Variants in ZC4H2 observed in about 807,000 individuals in gnomAD.
The protein encoded by ZC4H2 is zinc finger C4H2 domain-containing protein.
For synonymous variants in ZC4H2, 84 were observed against 66.3 expected, an observed-to-expected ratio of 1.27 and a Z score of -1.30; for missense variants, 137 against 173.9, an observed-to-expected ratio of 0.79 and a Z score of 1.19.
At chrX:64,938,823 C>A (rs779862371) in intron 1 of ZC4H2, among the ~76,000 whole-genome samples, 1 of 111,852 alleles carries the variant, frequency 8.9e-6, no homozygotes, top group African/African-American at 3.2e-5. Context: ...AAACCTACAG[C>A]GAATATCATA....
At chrX:65,026,893 C>A (rs1477192740) in intron 1 of ZC4H2, among the ~76,000 whole-genome samples, 2 of 111,750 alleles carry the variant, frequency 1.8e-5, no homozygotes, top group Admixed American at 1.9e-4. Flanking sequence ...AGCAGACCAG[C>A]ATTTTCTTTT....
At chrX:65,020,515 T>A (rs1292895893) in intron 1 of ZC4H2, among the ~76,000 whole-genome samples, 2 of 111,778 alleles carry the variant, frequency 1.8e-5, no homozygotes, top group Non-Finnish European at 3.8e-5. Flanking sequence ...TAGGCCTGCC[T>A]AACAAGGGCT....
At chrX:64,982,005 C>T (rs1397268466) in intron 1 of ZC4H2, among the ~76,000 whole-genome samples, 1 of 111,505 alleles carries the variant, frequency 9.0e-6, no homozygotes, top group Non-Finnish European at 1.9e-5. Context: ...TGACCTAGAT[C>T]CCCCAAATGC....
intron 1 of ZC4H2, among the ~76,000 whole-genome samples, chrX:64,934,818 C>T (rs1367297825): frequency 8.9e-6 from 1 of 112,039 alleles, no homozygotes; most frequent in Admixed American, 9.4e-5. Context: ...GTGCTTTTCC[C>T]ACAGTCTTCA....
chrX:64,986,838 T>A (rs1348632361), intron 1 of ZC4H2, among the ~76,000 whole-genome samples: 1 of 110,661 alleles, frequency 9.0e-6, no homozygotes, highest in Non-Finnish European at 1.9e-5. Context: ...AAAATGTCAA[T>A]TATCTCCAAA....
chrX:64,952,678 C>A (rs1461786484), intron 1 of ZC4H2, among the ~76,000 whole-genome samples: 1 of 110,352 alleles, frequency 9.1e-6, no homozygotes, highest in Admixed American at 9.7e-5. Flanking sequence ...AGGATACAAA[C>A]AAATGGAAGA....
At chrX:64,918,958 G>C in intron 4 of ZC4H2, 84 bp downstream of exon 4, 1 of 1,087,084 alleles carries the variant, frequency 9.2e-7, no homozygotes, top group African/African-American at 1.9e-5. Context: ...CATAAATAAA[G>C]CCAAAGACCC....
At chrX:64,958,356 A>C (rs1358255722) in intron 1 of ZC4H2, among the ~76,000 whole-genome samples, 1 of 111,863 alleles carries the variant, frequency 8.9e-6, no homozygotes, top group Non-Finnish European at 1.9e-5. Flanking sequence ...TCACTGAAAC[A>C]TCATTATATG....
rs1010652500 is a variant in ZC4H2 at position 64,915,871 on chromosome X, A to C, written c.*1912T>G. 13 of 112,088 alleles carry C rather than the reference A, an allele frequency of 1.2e-4. No individual in the cohort carries two copies. Among genetic ancestry groups the C allele is most frequent in the Admixed American group, 9.5e-4 (10 of 10,558 alleles). The allele number at this position is 112,088 out of a possible 1,213,427, so 9.2% of individuals were successfully genotyped here. A position where few individuals can be genotyped will look rare whatever the true frequency, so the allele number is the denominator to read the frequency against. Reference sequence around the variant, plus strand: ...TTAGCTGTTGAATTCCCTGACAAGCACAGAGACAGATTAGTGTACAGGATA... The same window carrying C: ...TTAGCTGTTGAATTCCCTGACAAGCCCAGAGACAGATTAGTGTACAGGATA... On this transcript the variant is annotated 3_prime_UTR_variant, in exon 5 of 5. Coordinates refer to ENST00000374839, the MANE Select transcript of ZC4H2 (RefSeq NM_018684.4).
At chrX:65,024,609 A>G (rs1187993379) in intron 1 of ZC4H2, among the ~76,000 whole-genome samples, 1 of 111,831 alleles carries the variant, frequency 8.9e-6, no homozygotes, top group South Asian at 3.8e-4. Context: ...GTTAATCGCC[A>G]CACTATTCAC....
At chrX:64,951,701 C>A (rs1176937926) in intron 1 of ZC4H2, among the ~76,000 whole-genome samples, 1 of 110,650 alleles carries the variant, frequency 9.0e-6, no homozygotes, top group Non-Finnish European at 1.9e-5. Flanking sequence ...TGGATATTAG[C>A]CCTTTGTCAG....
chrX:64,950,786 C>G (rs2147387900), intron 1 of ZC4H2, among the ~76,000 whole-genome samples: 1 of 110,568 alleles, frequency 9.0e-6, no homozygotes, highest in Admixed American at 9.7e-5. Flanking sequence ...ACTGATGGCT[C>G]TGGATTCTTT....
chrX:64,951,176 T>G (rs1930806338), intron 1 of ZC4H2, among the ~76,000 whole-genome samples: 1 of 112,529 alleles, frequency 8.9e-6, no homozygotes, highest in African/African-American at 3.2e-5. Flanking sequence ...ACGGTATATA[T>G]GTGCCACATT....
Position 65,006,074 on chromosome X carries a change from G to A in ZC4H2, c.-272+28555C>T, listed in dbSNP as rs1377597374. ...TCAGGAAACAACAGATGCTGGAGAG[G>A]ATGTGGAGAAATAGGAATGCTTTTA... is the stretch of plus-strand genomic sequence containing the variant. On this transcript the variant is annotated intron_variant, in intron 1 of 4. Transcript: ENST00000337990. 3.6e-5 allele frequency among the ~76,000 whole-genome samples: 4 copies of A among 111,731 alleles called. No individual in the cohort carries two copies. In the East Asian group the frequency reaches 1.1e-3, roughly 31 times the overall value.
chrX:64,980,753 G>A (rs1403483354), upstream of ZC4H2, among the ~76,000 whole-genome samples: 1 of 111,141 alleles, frequency 9.0e-6, no homozygotes, highest in African/African-American at 3.3e-5. Context: ...AATTTAGAGA[G>A]TCTGCCTCCA....
upstream of ZC4H2, among the ~76,000 whole-genome samples, chrX:64,977,708 C>T (rs1024808925): frequency 1.4e-4 from 16 of 110,649 alleles, no homozygotes; most frequent in African/African-American, 4.9e-4. Context: ...ATCATGTTGG[C>T]CAGACTGGTC....
At chrX:64,976,475 T>C, upstream of ZC4H2, 2 of 948,459 alleles carry the variant, frequency 2.1e-6, no homozygotes, top group Admixed American at 2.2e-5. Flanking sequence ...GGCTTGGGGC[T>C]ATGAGCCTGT....
At position 64,922,247 on chromosome X, in the gene ZC4H2, C is replaced by CA. The variant is rs374308800; in HGVS notation, c.54-260dup. ...GCAACATAGTGAGACCTTATATCTA[C>CA]AAAAAAAAAAAAGAAAAAGAAAAAA... On this transcript the variant is annotated intron_variant, in intron 1 of 4. Transcript: ENST00000374839. The CA allele has an allele frequency of 0.11, 8,434 of 79,108 alleles. 32 individuals are homozygous for CA. Among genetic ancestry groups the CA allele is most frequent in the Middle Eastern group, 0.14 (38 of 263 alleles). 6.5% of individuals were successfully genotyped at this position (79,108 alleles called of 1,213,427 possible). A position where few individuals can be genotyped will look rare whatever the true frequency, so the allele number is the denominator to read the frequency against.
At chrX:64,963,272 A>T (rs1931468757) in intron 1 of ZC4H2, among the ~76,000 whole-genome samples, 1 of 112,043 alleles carries the variant, frequency 8.9e-6, no homozygotes, top group Admixed American at 9.5e-5. Flanking sequence ...TACCATACAC[A>T]GAAATTAACT....
Sources: allele counts gnomAD v4.1 joint callset (sites outside exome capture counted in the v4.1 genomes callset), GRCh38; gene constraint gnomAD v4.1.1; transcripts MANE v1.5; gene names NCBI Gene and HGNC (gene_info 2026-07-23, HGNC 2026-07-21).